The following EPB41L4A variants were observed in gnomAD, a reference collection of about 807,000 sequenced individuals.
EPB41L4A encodes band 4.1-like protein 4A.
A neutral mutation model predicts 108.6 loss-of-function variants in EPB41L4A; 100 were observed. The ratio of observed to expected loss-of-function variants is 0.92; its 90% CI spans 0.78 to 1.09. The LOEUF is 1.09. Among genes scored for constraint, EPB41L4A ranks in the 50% least tolerant of loss-of-function variants. The pLI, the probability that EPB41L4A is intolerant of heterozygous loss-of-function variation, is 0.00. For synonymous variants in EPB41L4A, 319 were observed against 289.0 expected (o/e 1.10, Z -1.05); for missense variants, 1,030 against 842.7 (o/e 1.22, Z -2.75).
At chr5:112,297,610 T>C (rs1754080699) in intron 2 of EPB41L4A, among the ~76,000 whole-genome samples, 1 of 152,200 alleles carries the variant, frequency 6.6e-6, no homozygotes, top group Admixed American at 6.6e-5. Flanking sequence ...ACTGTTCCTT[T>C]TGCTATGCAA....
intron 4 of EPB41L4A, among the ~76,000 whole-genome samples, chr5:112,274,578 T>A (rs922242770): frequency 5.9e-5 from 9 of 152,196 alleles, no homozygotes; most frequent in African/African-American, 2.2e-4. Flanking sequence ...AAAGGAGGTA[T>A]TAGGCTTTAT....
At chr5:112,410,969 G>A (rs1037352512) in intron 1 of EPB41L4A, among the ~76,000 whole-genome samples, 48 of 152,148 alleles carry the variant, frequency 3.2e-4, no homozygotes, top group African/African-American at 1.0e-3. Context: ...GGACCTTGAT[G>A]TCACTGACCC....
chr5:112,408,226 T>C (rs1469777278), intron 1 of EPB41L4A, among the ~76,000 whole-genome samples: 3 of 152,126 alleles, frequency 2.0e-5, no homozygotes, highest in Non-Finnish European at 4.4e-5. Context: ...TAGACCTAAA[T>C]GTAAGACCTA....
intron 1 of EPB41L4A, among the ~76,000 whole-genome samples, chr5:112,402,707 A>C (rs1279369653): frequency 6.6e-6 from 1 of 152,210 alleles, no homozygotes; most frequent in Non-Finnish European, 1.5e-5. Context: ...ATGACACCAG[A>C]TGGGAAGCAT....
intron 20 of EPB41L4A, 61 bp from the exon 21 acceptor site, chr5:112,169,166 A>AGTTCT: frequency 8.4e-7 from 1 of 1,186,792 alleles, no homozygotes; most frequent in Non-Finnish European, 1.3e-6. Context: ...GAAAAGTAGG[A>AGTTCT]GTTCTTAATA....
intron 12 of EPB41L4A, among the ~76,000 whole-genome samples, chr5:112,154,257 C>A (rs1216910919): frequency 6.6e-6 from 1 of 152,214 alleles, no homozygotes; most frequent in Admixed American, 6.5e-5. Context: ...AGTAAGCTTT[C>A]TAGCACCAGT....
chr5:112,203,284 G>A (rs11746754), intron 15 of EPB41L4A, among the ~76,000 whole-genome samples: 65,380 of 151,802 alleles, frequency 0.43, 14,815 homozygotes, highest in East Asian at 0.67. Flanking sequence ...CGAACCCAGG[G>A]GGCAGAGTTT....
chr5:112,240,282 A>T (rs920912989), intron 10 of EPB41L4A, among the ~76,000 whole-genome samples: 2 of 152,150 alleles, frequency 1.3e-5, no homozygotes, highest in African/African-American at 2.4e-5. Context: ...TTCTGTAAAT[A>T]ACTACTTAAG....
intron 2 of EPB41L4A, among the ~76,000 whole-genome samples, chr5:112,302,327 G>A (rs1032823067): frequency 3.9e-5 from 6 of 152,052 alleles, no homozygotes; most frequent in African/African-American, 7.2e-5. Context: ...GCAACATAGT[G>A]TGACCTCATC....
intron 1 of EPB41L4A, among the ~76,000 whole-genome samples, chr5:112,390,914 G>A (rs1396677910): frequency 6.6e-6 from 1 of 152,216 alleles, no homozygotes; most frequent in African/African-American, 2.4e-5. Flanking sequence ...CTCTGCTGGT[G>A]ATACCCAGGC....
At chr5:112,399,776 A>G (rs568730061) in intron 1 of EPB41L4A, among the ~76,000 whole-genome samples, 7 of 152,312 alleles carry the variant, frequency 4.6e-5, no homozygotes, top group Admixed American at 6.5e-5. Context: ...CACCAACTGT[A>G]TGCAAGCTGA....
intron 1 of EPB41L4A, among the ~76,000 whole-genome samples, chr5:112,340,304 A>T (rs192031306): frequency 1.1e-3 from 162 of 152,280 alleles, no homozygotes; most frequent in Non-Finnish European, 1.5e-3. Flanking sequence ...GGCCTTGTTG[A>T]AACAGACTGC....
At chr5:112,339,542 A>ATATAGATATATATCTATATATATATATT (rs371198329) in intron 1 of EPB41L4A, among the ~76,000 whole-genome samples, 3 of 110,676 alleles carry the variant, frequency 2.7e-5, no homozygotes, top group Admixed American at 1.2e-4. Flanking sequence ...ATATATATAT[A>ATATAGATATATATCTATATATATATATT]TTTTTTTTTT....
intron 12 of EPB41L4A, among the ~76,000 whole-genome samples, chr5:112,210,889 C>T (rs1017498919): frequency 3.3e-5 from 5 of 151,998 alleles, no homozygotes; most frequent in African/African-American, 1.2e-4. Flanking sequence ...CTCGGAGCTA[C>T]TCCTGCAGGG....
chr5:112,408,622 C>G (rs543352848), intron 1 of EPB41L4A, among the ~76,000 whole-genome samples: 10 of 124,318 alleles, frequency 8.0e-5, no homozygotes, highest in African/African-American at 3.0e-4. Context: ...TTGGGAGAAT[C>G]AGTTGAGGCC....
At chr5:112,230,644 T>C (rs966368351) in intron 12 of EPB41L4A, among the ~76,000 whole-genome samples, 8 of 152,158 alleles carry the variant, frequency 5.3e-5, no homozygotes, top group South Asian at 4.1e-4. Context: ...GCTGGATGCA[T>C]AGTTTGCGAA....
chr5:112,210,825 A>T (rs1762702534), intron 12 of EPB41L4A, among the ~76,000 whole-genome samples: 1 of 152,120 alleles, frequency 6.6e-6, no homozygotes, highest in Non-Finnish European at 1.5e-5. Flanking sequence ...CAGCATGCAC[A>T]GATGCCCACA....
chr5:112,201,080 T>C (rs1762197966), intron 15 of EPB41L4A, among the ~76,000 whole-genome samples: 2 of 152,356 alleles, frequency 1.3e-5, no homozygotes, highest in South Asian at 4.1e-4. Context: ...AAGGTAAATA[T>C]GTGTGAAGAT....
chr5:112,339,511 G>T (rs5007788), intron 1 of EPB41L4A, among the ~76,000 whole-genome samples: 20,727 of 54,818 alleles, frequency 0.38, 1,908 homozygotes, highest in Middle Eastern at 0.45. Flanking sequence ...TATATATATA[G>T]ATATATAGAT....
Sources: gnomAD v4.1 joint callset for allele counts (sites outside exome capture counted in the v4.1 genomes callset) on GRCh38, gnomAD v4.1.1 for gene constraint, MANE v1.5 for transcripts, NCBI Gene and HGNC (gene_info 2026-07-23, HGNC 2026-07-21) for gene names.